The following PLCL1 variants were observed in gnomAD, a reference collection of about 807,000 sequenced individuals.
PLCL1 encodes the protein inactive phospholipase C-like protein 1.
Under a neutral mutation model 84.4 loss-of-function variants are expected in PLCL1, and 41 were observed. The observed-to-expected ratio is 0.49, with a 90% CI of 0.38 to 0.63. PLCL1 has a LOEUF of 0.63. PLCL1 is among the 30% of genes least tolerant of loss of function. The probability of loss-of-function intolerance (pLI) is 0.00; values close to 1 mark genes in which losing one functional copy is unlikely to be tolerated. For synonymous variants in PLCL1, 490 were observed against 488.3 expected (o/e 1.00, Z -0.05); for missense variants, 1,206 against 1,367.8 (o/e 0.88, Z 1.87).
intron 1 of PLCL1, among the ~76,000 whole-genome samples, chr2:197,956,862 C>G (rs556731247): frequency 6.6e-6 from 1 of 152,096 alleles, no homozygotes; most frequent in African/African-American, 2.4e-5. Context: ...TTCTCCCATT[C>G]TGTAGGTTGC....
At chr2:197,926,033 G>C (rs1199292101) in intron 1 of PLCL1, among the ~76,000 whole-genome samples, 5 of 152,058 alleles carry the variant, frequency 3.3e-5, no homozygotes, top group Non-Finnish European at 7.4e-5. Flanking sequence ...TCTTTGAGGG[G>C]GTCTTGTTTT....
intron 3 of PLCL1, among the ~76,000 whole-genome samples, chr2:198,094,147 C>A (rs552814760): frequency 4.6e-5 from 7 of 152,152 alleles, no homozygotes; most frequent in Non-Finnish European, 1.0e-4. Context: ...CTGCAAGCTC[C>A]GCCTCCTGGG....
At chr2:198,074,366 T>A (rs954310733) in intron 1 of PLCL1, among the ~76,000 whole-genome samples, 2 of 152,210 alleles carry the variant, frequency 1.3e-5, no homozygotes, top group Non-Finnish European at 1.5e-5. Context: ...TGATAATAAA[T>A]GGCAAAACTC....
intron 1 of PLCL1, among the ~76,000 whole-genome samples, chr2:197,874,420 C>T (rs1397222606): frequency 3.3e-5 from 5 of 151,676 alleles, no homozygotes; most frequent in East Asian, 1.9e-4. Flanking sequence ...CAGAGATAGC[C>T]GTTGTTAAAA....
chr2:198,109,523 C>T (rs1487954093), intron 5 of PLCL1, among the ~76,000 whole-genome samples: 1 of 151,910 alleles, frequency 6.6e-6, no homozygotes, highest in African/African-American at 2.4e-5. Context: ...ACTACAACTT[C>T]ACTTACGTAG....
At chr2:198,091,767 A>G (rs1693048542) in intron 3 of PLCL1, among the ~76,000 whole-genome samples, 1 of 151,630 alleles carries the variant, frequency 6.6e-6, no homozygotes, top group Admixed American at 6.6e-5. Context: ...AAATAAAAAC[A>G]TAGATCAAAT....
At chr2:197,905,034 T>C (rs1220425396) in intron 1 of PLCL1, among the ~76,000 whole-genome samples, 1 of 152,226 alleles carries the variant, frequency 6.6e-6, no homozygotes, top group African/African-American at 2.4e-5. Context: ...AGCATTTTGT[T>C]GTCTTCTTGC....
chr2:197,937,932 G>T (rs1183897258), intron 1 of PLCL1, among the ~76,000 whole-genome samples: 2 of 152,120 alleles, frequency 1.3e-5, no homozygotes, highest in Non-Finnish European at 2.9e-5. Flanking sequence ...GGTGGTATTA[G>T]TGTGGCTGTG....
chr2:197,979,555 T>C (rs1332842147), intron 1 of PLCL1, among the ~76,000 whole-genome samples: 1 of 152,182 alleles, frequency 6.6e-6, no homozygotes, highest in Non-Finnish European at 1.5e-5. Flanking sequence ...TCATCTCTGG[T>C]GGGGCCACTT....
chr2:198,019,777 G>C (rs1691089415), intron 1 of PLCL1, among the ~76,000 whole-genome samples: 1 of 152,228 alleles, frequency 6.6e-6, no homozygotes, highest in Admixed American at 6.5e-5. Context: ...GTATCTGAAA[G>C]TGACAAGGAG....
intron 1 of PLCL1, among the ~76,000 whole-genome samples, chr2:197,858,279 C>A (rs1025224257): frequency 6.6e-6 from 1 of 152,152 alleles, no homozygotes; most frequent in Non-Finnish European, 1.5e-5. Flanking sequence ...GTGACAGCCA[C>A]TGAGTTGTAG....
intron 1 of PLCL1, among the ~76,000 whole-genome samples, chr2:197,983,204 T>C (rs1395637809): frequency 1.8e-4 from 2 of 10,946 alleles, no homozygotes; most frequent in African/African-American, 1.0e-3. Context: ...TCTTTTCTTT[T>C]TTTTTTTTTT....
chr2:198,091,708 A>C (rs560820778), intron 3 of PLCL1, among the ~76,000 whole-genome samples: 1 of 87,906 alleles, frequency 1.1e-5, no homozygotes, highest in South Asian at 2.8e-4. Flanking sequence ...AATAAAATAA[A>C]ATAAAATAAA....
rs1219356364 is a variant in PLCL1, at chr2:198,085,782, C to T, written c.2265C>T (p.His755=). 4 of 1,613,962 alleles carry T rather than the reference C, an allele frequency of 2.5e-6. No homozygotes were observed. The highest frequency in any genetic ancestry group is 1.1e-5 in the South Asian group (1 of 91,088). The part of the protein sequence containing the change: ...VIDPYVCIEI[H]GIPADCSEQR... ...ATCCCTATGTTTGTATAGAGATACA[C>T]GGAATTCCAGCGGATTGTTCGGAAC... The change falls in exon 2 of 6, where the codon CAC becomes CAT. Residue 755 remains histidine, a synonymous_variant. Coordinates refer to ENST00000428675, the MANE Select transcript of PLCL1 (RefSeq NM_006226.4). The surrounding 1 kb of genome is among the most constrained non-coding windows in gnomAD (Gnocchi z 5.3).
At chr2:197,993,796 T>C (rs1380934140) in intron 1 of PLCL1, among the ~76,000 whole-genome samples, 1 of 152,202 alleles carries the variant, frequency 6.6e-6, no homozygotes, top group African/African-American at 2.4e-5. Context: ...CAAATGTAGC[T>C]GGAAGTCTGT....
chr2:197,885,787 A>G (rs1256685485), intron 1 of PLCL1, among the ~76,000 whole-genome samples: 1 of 152,172 alleles, frequency 6.6e-6, no homozygotes, highest in Non-Finnish European at 1.5e-5. Context: ...CTGCTCCTCT[A>G]AATAGACAAA....
At chr2:198,109,254 G>A (rs918346641) in intron 5 of PLCL1, among the ~76,000 whole-genome samples, 13 of 151,696 alleles carry the variant, frequency 8.6e-5, no homozygotes, top group Non-Finnish European at 1.9e-4. Context: ...GGGGAGGAAC[G>A]GTGTCTCCTC....
At chr2:197,846,996 A>G (rs1687130486) in intron 1 of PLCL1, among the ~76,000 whole-genome samples, 1 of 152,134 alleles carries the variant, frequency 6.6e-6, no homozygotes, top group African/African-American at 2.4e-5. Flanking sequence ...TCCTTGAATA[A>G]GTGTGTGTTC....
intron 1 of PLCL1, among the ~76,000 whole-genome samples, chr2:198,081,570 T>C (rs1360980786): frequency 1.3e-5 from 2 of 152,192 alleles, no homozygotes; most frequent in African/African-American, 4.8e-5. Flanking sequence ...TATAGGATAA[T>C]TAAAAACAGC....
Sources: allele counts gnomAD v4.1 joint callset (sites outside exome capture counted in the v4.1 genomes callset), GRCh38; gene constraint gnomAD v4.1.1; non-coding constraint Gnocchi (gnomAD v3.1); transcripts MANE v1.5; gene names NCBI Gene and HGNC (gene_info 2026-07-23, HGNC 2026-07-21).